The following KLRG1 variants were observed in gnomAD, a reference collection of about 807,000 sequenced individuals.
KLRG1 encodes killer cell lectin like receptor G1.
KLRG1 carries 16 observed loss-of-function variants against 21.8 expected under a neutral mutation model. The ratio of observed to expected loss-of-function variants is 0.73; its 90% confidence interval spans 0.50 to 1.11. The LOEUF is 1.11. KLRG1 is among the 50% of genes most tolerant of loss of function. The probability of loss-of-function intolerance (pLI) is 0.00; values close to 1 mark genes in which losing one functional copy is unlikely to be tolerated. For synonymous variants in KLRG1, 69 were observed against 75.9 expected (o/e 0.91, Z 0.47); for missense variants, 173 against 218.3 (o/e 0.79, Z 1.31).
At position 8,951,515 on chromosome 12, in the gene KLRG1, C is replaced by T. The variant is rs529735300; in HGVS notation, c.-156+1279C>T. Among the ~76,000 whole-genome samples, 32 of 152,256 alleles carry T rather than the reference C, an allele frequency of 2.1e-4. 1 individual carries two copies. The highest frequency in any genetic ancestry group is 2.1e-3 in the Admixed American group (32 of 15,298). On this transcript the variant is annotated intron_variant, in intron 1 of 4. Coordinates refer to the KLRG1 transcript ENST00000539240. The stretch of plus-strand genomic sequence containing the variant: ...ATATTTTTCCATATCCTTGACTTTA[C>T]AAATAAACTTTTTAATAGCATAATA...
rs199932361 is a variant in KLRG1 at position 9,006,127 on chromosome 12, AGT to A, written c.358-2846_358-2845del. Among the ~76,000 whole-genome samples the A allele has an allele frequency of 6.6e-3, 1,006 of 152,380 alleles. 22 individuals are homozygous for A. The highest frequency in any genetic ancestry group is 0.022 in the African/African-American group (933 of 41,594). ...ACACAAAGAAATAGTAAATGTTTGA[AGT>A]GATAGGCTAATTATCCTGCTCTGAT... On this transcript the variant is annotated intron_variant, in intron 3 of 4. Transcript: ENST00000356986.
the KLRG1 span, among the ~76,000 whole-genome samples, chr12:9,181,574 T>C: frequency 2.0e-5 from 3 of 152,330 alleles, no homozygotes; most frequent in South Asian, 6.2e-4. Context: ...CTTAGTCTTG[T>C]CCTAAGGAGA....
At chr12:9,127,654 C>A in the KLRG1 span, 1 of 154,848 alleles carries the variant, frequency 6.5e-6, no homozygotes, top group South Asian at 1.8e-4. Context: ...CGTAGCCTGT[C>A]TGTGTCCTCC....
At chr12:9,197,211 T>C in the KLRG1 span, 9 of 868,536 alleles carry the variant, frequency 1.0e-5, no homozygotes, top group African/African-American at 5.1e-5. Context: ...CTCTTTAGAG[T>C]TGCCTACACA....
the KLRG1 span, among the ~76,000 whole-genome samples, chr12:9,044,173 T>A: frequency 6.6e-6 from 1 of 152,216 alleles, no homozygotes; most frequent in Non-Finnish European, 1.5e-5. Context: ...TGTGTCCCAA[T>A]TTCAAGGATC....
At chr12:8,955,908 C>G (rs918765854) in intron 1 of KLRG1, among the ~76,000 whole-genome samples, 5 of 152,020 alleles carry the variant, frequency 3.3e-5, no homozygotes, top group African/African-American at 9.7e-5. Context: ...GTGAGAACTC[C>G]CGCAATGCCT....
At chr12:9,041,766 C>T in the KLRG1 span, among the ~76,000 whole-genome samples, 9 of 152,192 alleles carry the variant, frequency 5.9e-5, no homozygotes, top group African/African-American at 2.2e-4. Context: ...CTCTAGCTAT[C>T]ATCTAACTGC....
At chr12:9,126,984 A>G in the KLRG1 span, among the ~76,000 whole-genome samples, 3 of 152,210 alleles carry the variant, frequency 2.0e-5, no homozygotes, top group African/African-American at 4.8e-5. Context: ...CCCGCGGTCT[A>G]TGAGTAAAAG....
the KLRG1 span, among the ~76,000 whole-genome samples, chr12:9,174,260 T>G: frequency 6.6e-6 from 1 of 152,330 alleles, no homozygotes; most frequent in South Asian, 2.1e-4. Context: ...AGAAAAGGCC[T>G]TTGATAAAAT....
chr12:9,120,601 A>G, the KLRG1 span, among the ~76,000 whole-genome samples: 2 of 152,220 alleles, frequency 1.3e-5, no homozygotes, highest in African/African-American at 4.8e-5. Flanking sequence ...ATTGTCCTTG[A>G]AAAGAGAACA....
chr12:9,076,815 C>T, the KLRG1 span: 1 of 1,614,026 alleles, frequency 6.2e-7, no homozygotes, highest in Non-Finnish European at 8.5e-7. Flanking sequence ...GTCCTGGTTA[C>T]CTGCCAGGGC....
the KLRG1 span, among the ~76,000 whole-genome samples, chr12:9,016,192 G>T: frequency 6.6e-6 from 1 of 151,642 alleles, no homozygotes. Context: ...CATGAAAAAA[G>T]ATACAAAAGG....
the KLRG1 span, among the ~76,000 whole-genome samples, chr12:9,023,055 TGAGC>T: frequency 6.6e-6 from 1 of 152,234 alleles, no homozygotes; most frequent in African/African-American, 2.4e-5. Flanking sequence ...CTGAGTTCTG[TGAGC>T]CATCCAGCAA....
chr12:9,129,704 C>T, the KLRG1 span, among the ~76,000 whole-genome samples: 2 of 152,100 alleles, frequency 1.3e-5, no homozygotes, highest in East Asian at 1.9e-4. Context: ...CCCGCCACCA[C>T]GCCCGGCTAC....
the KLRG1 span, among the ~76,000 whole-genome samples, chr12:9,052,118 A>G: frequency 6.6e-6 from 1 of 152,184 alleles, no homozygotes; most frequent in African/African-American, 2.4e-5. Context: ...GCTGGATCCA[A>G]TTCTGAGGAT....
chr12:9,031,891 C>G, the KLRG1 span, among the ~76,000 whole-genome samples: 8 of 152,204 alleles, frequency 5.3e-5, no homozygotes, highest in Admixed American at 3.3e-4. Context: ...GTACCATAAA[C>G]TTGGTGGCTA....
At chr12:9,165,179 A>C in the KLRG1 span, 1 of 1,614,068 alleles carries the variant, frequency 6.2e-7, no homozygotes, top group Middle Eastern at 1.6e-4. Flanking sequence ...CGTGGCCTTG[A>C]GTGTGAAGAC....
At position 8,989,587 on chromosome 12, in the gene KLRG1, C is replaced by G; in HGVS notation, c.-49C>G. 5.7e-6 allele frequency: 7 copies of G among 1,219,608 alleles called. No homozygotes were observed. The highest frequency in any genetic ancestry group is 8.4e-6 in the Non-Finnish European group (7 of 829,514). 75.5% of individuals were successfully genotyped at this position (1,219,608 alleles called of 1,614,324 possible). A position where few individuals can be genotyped will look rare whatever the true frequency, so the allele number is the denominator to read the frequency against. ...CCTCACTGATACATATCCCTTCACA[C>G]TTCTATAATTTAACTCTCTCAACTG... On this transcript the variant is annotated 5_prime_UTR_variant, in exon 1 of 5. Coordinates refer to ENST00000356986, the MANE Select transcript of KLRG1 (RefSeq NM_005810.4).
chr12:8,989,145 G>A (rs866691474), upstream of KLRG1, among the ~76,000 whole-genome samples: 3 of 152,208 alleles, frequency 2.0e-5, no homozygotes, highest in South Asian at 2.1e-4. Flanking sequence ...TATTTCTCCC[G>A]TGATTCCAGG....
Sources: allele counts gnomAD v4.1 joint callset (sites outside exome capture counted in the v4.1 genomes callset), GRCh38; gene constraint gnomAD v4.1.1; transcripts MANE v1.5; gene names NCBI Gene and HGNC (gene_info 2026-07-23, HGNC 2026-07-21).